RBMS3: variants seen among roughly 807,000 people sequenced by gnomAD.
The protein encoded by RBMS3 is RNA-binding motif, single-stranded-interacting protein 3.
Under a neutral mutation model 66.8 loss-of-function variants are expected in RBMS3, and 27 were observed. The ratio of observed to expected loss-of-function variants is 0.40; its 90% CI spans 0.30 to 0.56. The LOEUF is 0.56. Among genes scored for constraint, RBMS3 ranks in the 20% least tolerant of loss-of-function variants. RBMS3 has a pLI of 0.40. For missense variants in RBMS3, 513 were observed against 549.5 expected (o/e 0.93, Z 0.66); for synonymous variants, 188 against 183.0 (o/e 1.03, Z -0.22).
intron 4 of RBMS3, among the ~76,000 whole-genome samples, chr3:29,593,803 T>C (rs1258698589): frequency 2.0e-5 from 3 of 152,222 alleles, no homozygotes; most frequent in African/African-American, 4.8e-5. Context: ...GACATAGCAC[T>C]GAGCCAAACA....
intron 4 of RBMS3, among the ~76,000 whole-genome samples, chr3:29,684,813 C>CACACACACACACAG (rs1386408420): frequency 2.3e-4 from 34 of 144,878 alleles, no homozygotes; most frequent in African/African-American, 8.6e-4. Flanking sequence ...CACACACACA[C>CACACACACACACAG]ACAGACACAT....
intron 6 of RBMS3, among the ~76,000 whole-genome samples, chr3:29,818,393 T>C (rs1016261257): frequency 1.4e-5 from 2 of 144,658 alleles, no homozygotes; most frequent in Non-Finnish European, 3.1e-5. Context: ...CATGTGTGTA[T>C]TTTTTCTATT....
At chr3:29,917,076 A>AT (rs1173195541) in intron 10 of RBMS3, among the ~76,000 whole-genome samples, 8 of 152,018 alleles carry the variant, frequency 5.3e-5, no homozygotes, top group Non-Finnish European at 1.2e-4. Flanking sequence ...TTCAACATAC[A>AT]TTTTTTGGGT....
intron 2 of RBMS3, among the ~76,000 whole-genome samples, chr3:29,457,639 T>C (rs774796112): frequency 4.6e-5 from 7 of 152,098 alleles, no homozygotes; most frequent in Non-Finnish European, 8.8e-5. Context: ...TGAGAATCAT[T>C]TGAACCCAGG....
At position 30,004,526 on chromosome 3, in the gene RBMS3, A is replaced by G. The variant is rs1405283599; in HGVS notation, c.*664A>G. On this transcript the variant is annotated 3_prime_UTR_variant, in exon 15 of 15. Coordinates refer to ENST00000383767, the MANE Select transcript of RBMS3 (RefSeq NM_001003793.3). Reference sequence around the variant, plus strand: ...TTAAGACTATGAGTTTTTAGGGTGAAGAAAAAACTGTACAGTTTAAATGAA... The same window carrying G: ...TTAAGACTATGAGTTTTTAGGGTGAGGAAAAAACTGTACAGTTTAAATGAA... 6.6e-6 allele frequency: 1 copy of G among 152,218 alleles called. No individual in the cohort carries two copies. Among genetic ancestry groups the G allele is most frequent in the Non-Finnish European group, 1.5e-5 (1 of 67,810 alleles). The allele number at this position is 152,218 out of a possible 1,614,324, so 9.4% of individuals were successfully genotyped here. A position where few individuals can be genotyped will look rare whatever the true frequency, so the allele number is the denominator to read the frequency against.
chr3:29,503,982 C>T (rs547337571), intron 3 of RBMS3, among the ~76,000 whole-genome samples: 4 of 152,180 alleles, frequency 2.6e-5, no homozygotes, highest in East Asian at 1.9e-4. Flanking sequence ...AAGCTCTGTG[C>T]GGCCTTGTTT....
chr3:29,698,231 A>G, intron 4 of RBMS3: 1 of 985,360 alleles, frequency 1.0e-6, no homozygotes, highest in Non-Finnish European at 1.2e-6. Context: ...GAAAGTTCTG[A>G]GTAATGCACA....
At chr3:29,706,170 A>G (rs1403887656) in intron 4 of RBMS3, among the ~76,000 whole-genome samples, 4 of 152,216 alleles carry the variant, frequency 2.6e-5, no homozygotes, top group Admixed American at 2.6e-4. Context: ...GATGTCAGGA[A>G]GAGAATCTGC....
chr3:29,811,336 C>T (rs144967895), intron 6 of RBMS3, among the ~76,000 whole-genome samples: 2 of 152,248 alleles, frequency 1.3e-5, no homozygotes, highest in African/African-American at 4.8e-5. Flanking sequence ...CGCCTGGAAG[C>T]CCACACGGCC....
intron 1 of RBMS3, among the ~76,000 whole-genome samples, chr3:29,413,677 C>T (rs895539407): frequency 6.6e-6 from 1 of 152,128 alleles, no homozygotes; most frequent in Non-Finnish European, 1.5e-5. Context: ...TCACATAAGA[C>T]ATAGGAGGTC....
intron 10 of RBMS3, among the ~76,000 whole-genome samples, chr3:29,916,641 G>A (rs1485438596): frequency 2.6e-5 from 4 of 151,772 alleles, no homozygotes; most frequent in Admixed American, 2.0e-4. Context: ...ATATTGTGAT[G>A]GAATACTGAA....
chr3:29,450,685 C>A (rs972528034), intron 2 of RBMS3, among the ~76,000 whole-genome samples: 1 of 151,946 alleles, frequency 6.6e-6, no homozygotes, highest in Non-Finnish European at 1.5e-5. Flanking sequence ...ATAGGGGTAA[C>A]TTTTAAACCT....
intron 6 of RBMS3, among the ~76,000 whole-genome samples, chr3:29,828,508 T>G (rs2058268562): frequency 6.6e-6 from 1 of 152,156 alleles, no homozygotes; most frequent in Non-Finnish European, 1.5e-5. Flanking sequence ...AAATCCTTTG[T>G]GATGTAAGAG....
At chr3:29,533,406 C>G (rs1427688223) in intron 3 of RBMS3, among the ~76,000 whole-genome samples, 1 of 152,126 alleles carries the variant, frequency 6.6e-6, no homozygotes, top group Non-Finnish European at 1.5e-5. Context: ...GGTTTGAGCC[C>G]AGGAGTTTGA....
chr3:29,988,334 AAAATATGACATTGT>A, intron 13 of RBMS3, 111 bp downstream of exon 13: 1 of 788,556 alleles, frequency 1.3e-6, no homozygotes, highest in Non-Finnish European at 2.0e-6. Context: ...GTGCTACTCT[AAAATATGACATTGT>A]AAATTCAGTG....
At chr3:29,920,575 A>T (rs1229976192) in intron 10 of RBMS3, among the ~76,000 whole-genome samples, 1 of 152,146 alleles carries the variant, frequency 6.6e-6, no homozygotes, top group Non-Finnish European at 1.5e-5. Context: ...TGAAATCATC[A>T]TTTCATATTT....
chr3:29,310,063 T>TA (rs951235192), intron 1 of RBMS3, among the ~76,000 whole-genome samples: 37 of 151,190 alleles, frequency 2.4e-4, no homozygotes, highest in African/African-American at 8.5e-4. Flanking sequence ...AGAACGTGAG[T>TA]AAAAAAATGC....
chr3:29,727,537 A>G (rs1217994788), intron 4 of RBMS3, among the ~76,000 whole-genome samples: 3 of 152,156 alleles, frequency 2.0e-5, no homozygotes, highest in Non-Finnish European at 2.9e-5. Context: ...CCCTATCAAA[A>G]AGTAGGCAAA....
At chr3:29,907,331 T>C (rs1026305146) in intron 10 of RBMS3, among the ~76,000 whole-genome samples, 3 of 152,146 alleles carry the variant, frequency 2.0e-5, no homozygotes, top group African/African-American at 7.2e-5. Flanking sequence ...TTCCACCTGA[T>C]TTTAAATCTT....
Sources: allele counts gnomAD v4.1 joint callset (sites outside exome capture counted in the v4.1 genomes callset), GRCh38; gene constraint gnomAD v4.1.1; transcripts MANE v1.5; gene names NCBI Gene and HGNC (gene_info 2026-07-23, HGNC 2026-07-21).